The following CDCA8 variants were observed in gnomAD, a reference collection of about 807,000 sequenced individuals.
The protein encoded by CDCA8 is borealin.
Under a neutral mutation model 40.0 loss-of-function variants are expected in CDCA8, and 25 were observed. The observed-to-expected ratio is 0.63, with a 90% CI of 0.46 to 0.87. CDCA8 has a LOEUF of 0.87. Ranked by LOEUF, CDCA8 falls within the 40% of genes least tolerant of loss-of-function variation. The pLI is 0.00. For synonymous variants in CDCA8, 111 were observed against 126.5 expected (o/e 0.88, Z 0.82); for missense variants, 280 against 348.4 (o/e 0.80, Z 1.56).
At chr1:37,707,553 G>A (rs1645609722) in intron 9 of CDCA8, among the ~76,000 whole-genome samples, 1 of 148,622 alleles carries the variant, frequency 6.7e-6, no homozygotes, top group African/African-American at 2.4e-5. Context: ...CAGGCTCCAG[G>A]TTCTGTGCTT....
intron 7 of CDCA8, among the ~76,000 whole-genome samples, chr1:37,704,179 C>A (rs758104642): frequency 6.6e-6 from 1 of 152,248 alleles, no homozygotes; most frequent in African/African-American, 2.4e-5. Flanking sequence ...AAGCAATCTG[C>A]CCACCTCGGC....
intron 6 of CDCA8, among the ~76,000 whole-genome samples, chr1:37,702,198 G>A (rs147489000): frequency 1.6e-3 from 243 of 151,900 alleles, no homozygotes; most frequent in Non-Finnish European, 2.2e-3. Flanking sequence ...GTGCCACCAT[G>A]CCGGCTAATT....
chr1:37,703,453 C>A lies in CDCA8; in HGVS notation c.584+106C>A, dbSNP rs1285988746. On this transcript the variant is annotated intron_variant, in intron 7 of 9. Transcript: ENST00000373055. Reference sequence around the variant, plus strand: ...CTCCTAGGCCAGGCACGGTAGCTCACGCCTGTAATACCAGCACTTTGAGAG... The same window carrying A: ...CTCCTAGGCCAGGCACGGTAGCTCAAGCCTGTAATACCAGCACTTTGAGAG... The A allele has an allele frequency of 7.2e-6, 6 of 833,540 alleles. No homozygotes were observed. The East Asian group carries it at 1.5e-4, about 21-fold the overall frequency. 51.6% of individuals were successfully genotyped at this position (833,540 alleles called of 1,614,324 possible).
At chr1:37,707,122 CT>C in intron 9 of CDCA8, 58 bp downstream of exon 9, 1 of 1,270,450 alleles carries the variant, frequency 7.9e-7, no homozygotes, top group Non-Finnish European at 1.1e-6. Flanking sequence ...CTTGGGCTAC[CT>C]TTATTTAGGA....
At position 37,703,248 on chromosome 1, in the gene CDCA8, G is replaced by A. The variant is rs1330681150; in HGVS notation, c.489-4G>A. ...CATACCTGATGGCCATTTCTTACCT[G>A]TAGGTCAAGCCGTGCTAACACTGTT... On this transcript the variant is annotated splice_region_variant and splice_polypyrimidine_tract_variant and intron_variant, in intron 6 of 9. Transcript: ENST00000373055. The A allele has an allele frequency of 2.5e-6, 4 of 1,611,386 alleles. 1 individual carries two copies. Among genetic ancestry groups the A allele is most frequent in the South Asian group, 2.2e-5 (2 of 91,018 alleles).
Position 37,701,760 on chromosome 1 carries a change from AG to A in CDCA8, c.432del (p.Arg144SerfsTer45), listed in dbSNP as rs1645565681. On this transcript the variant is annotated frameshift_variant, in exon 6 of 10. Coordinates refer to ENST00000373055, the MANE Select transcript of CDCA8 (RefSeq NM_001256875.2). LOFTEE classifies it high-confidence loss of function. ...CATTTGATTGTGACTGCAGGTCAAA[AG>A]GTGTCCTCCATCCAAGAAGAGAACT... ...RKNLQTARVK[R>X]CPPSKKRTQS... The A allele has an allele frequency of 6.2e-7, 1 of 1,612,262 alleles. No individual in the cohort carries two copies. Among genetic ancestry groups the A allele is most frequent in the Non-Finnish European group, 8.5e-7 (1 of 1,178,476 alleles).
chr1:37,697,539 G>C (rs1020376953), intron 3 of CDCA8, among the ~76,000 whole-genome samples: 1 of 152,216 alleles, frequency 6.6e-6, no homozygotes, highest in African/African-American at 2.4e-5. Context: ...TAGGTGTTCA[G>C]CATGAGCCAT....
chr1:37,701,500 A>T (rs1402742320), intron 5 of CDCA8, among the ~76,000 whole-genome samples: 7 of 152,142 alleles, frequency 4.6e-5, no homozygotes, highest in Admixed American at 2.0e-4. Flanking sequence ...CCAGGCTGCA[A>T]TCAGTTCAAA....
intron 7 of CDCA8, among the ~76,000 whole-genome samples, chr1:37,705,203 T>C (rs968730082): frequency 2.0e-5 from 3 of 152,252 alleles, no homozygotes; most frequent in African/African-American, 4.8e-5. Flanking sequence ...CTAAACTTTA[T>C]GTGGATAAGA....
chr1:37,695,428 CA>C (rs5773600), intron 2 of CDCA8, among the ~76,000 whole-genome samples: 5 of 136,814 alleles, frequency 3.7e-5, no homozygotes, highest in African/African-American at 1.4e-4. Context: ...CCTATCTCTA[CA>C]AAAAAACACA....
chr1:37,700,764 T>C (rs1438585208), intron 5 of CDCA8, among the ~76,000 whole-genome samples: 1 of 152,130 alleles, frequency 6.6e-6, no homozygotes, highest in African/African-American at 2.4e-5. Flanking sequence ...GAGAGTCTAC[T>C]AGCTAGAGAA....
At chr1:37,707,209 T>A in intron 9 of CDCA8, 145 bp downstream of exon 9, 1 of 627,082 alleles carries the variant, frequency 1.6e-6, no homozygotes, top group Non-Finnish European at 2.9e-6. Flanking sequence ...TTTTGACTCT[T>A]ACCCTACTTA....
chr1:37,699,243 T>C (rs1389870272), intron 4 of CDCA8, among the ~76,000 whole-genome samples: 1 of 151,186 alleles, frequency 6.6e-6, no homozygotes. Flanking sequence ...AAAATGAAAG[T>C]GAAAAAAGGG....
intron 2 of CDCA8, among the ~76,000 whole-genome samples, chr1:37,693,453 C>T (rs1341760644): frequency 1.3e-5 from 2 of 152,110 alleles, no homozygotes; most frequent in African/African-American, 4.8e-5. Flanking sequence ...CAGTGCAGTG[C>T]AGTGGTGCGA....
chr1:37,707,577 T>C (rs1169505310), intron 9 of CDCA8, among the ~76,000 whole-genome samples: 2 of 152,208 alleles, frequency 1.3e-5, no homozygotes, highest in Non-Finnish European at 2.9e-5. Flanking sequence ...TAACATTGTT[T>C]TGCATGTGGC....
rs76377765 is a variant in CDCA8 at position 37,708,314 on chromosome 1, C to G, written c.799-8C>G. The G allele has an allele frequency of 3.0e-6, 3 of 1,008,788 alleles. No homozygotes were observed. In the East Asian group the frequency reaches 6.0e-4, roughly 202 times the overall value. The allele number at this position is 1,008,788 out of a possible 1,614,324, so 62.5% of individuals were successfully genotyped here. ...CTTCTACAATGACCTCTCTCCTTTTCTTTTTAGAACCGTCTCGCCCAAATC... is the reference window on the plus strand; with the variant it reads ...CTTCTACAATGACCTCTCTCCTTTTGTTTTTAGAACCGTCTCGCCCAAATC... On this transcript the variant is annotated splice_polypyrimidine_tract_variant and splice_region_variant and intron_variant, in intron 9 of 9. Transcript: ENST00000373055.
rs556937591 is a variant in CDCA8 at position 37,696,057 on chromosome 1, C to A, written c.264+107C>A. 63 of 961,702 alleles carry A rather than the reference C, an allele frequency of 6.6e-5. No individual in the cohort carries two copies. Among genetic ancestry groups the A allele is most frequent in the African/African-American group, 9.8e-5 (6 of 60,926 alleles). 59.6% of individuals were successfully genotyped at this position (961,702 alleles called of 1,614,324 possible). ...TGGAAGAGGTTTCATAAAGGGACATCATCTGTTTGTGTCAACTGAAAAATT... is the reference window on the plus strand; with the variant it reads ...TGGAAGAGGTTTCATAAAGGGACATAATCTGTTTGTGTCAACTGAAAAATT... On this transcript the variant is annotated intron_variant, in intron 3 of 9. Coordinates refer to ENST00000373055, the MANE Select transcript of CDCA8 (RefSeq NM_001256875.2). The surrounding 1 kb of genome is among the most constrained non-coding windows in gnomAD (Gnocchi z 5.0).
At chr1:37,703,814 T>C (rs535823012) in intron 7 of CDCA8, among the ~76,000 whole-genome samples, 85 of 152,284 alleles carry the variant, frequency 5.6e-4, no homozygotes, top group African/African-American at 1.7e-3. Context: ...CTCCCTTAAG[T>C]GTAGTTTCAC....
intron 7 of CDCA8, among the ~76,000 whole-genome samples, chr1:37,704,230 C>T (rs531134399): frequency 3.3e-5 from 5 of 152,234 alleles, no homozygotes; most frequent in African/African-American, 9.6e-5. Flanking sequence ...CCATCACACC[C>T]GGCCTCAAAT....
Sources: gnomAD v4.1 joint callset for allele counts (sites outside exome capture counted in the v4.1 genomes callset) on GRCh38, gnomAD v4.1.1 for gene constraint, Gnocchi (gnomAD v3.1) non-coding constraint, MANE v1.5 for transcripts, NCBI Gene and HGNC (gene_info 2026-07-23, HGNC 2026-07-21) for gene names.